The following RALGPS2 variants were observed in gnomAD, a reference collection of about 807,000 sequenced individuals.
RALGPS2 encodes Ral GEF with PH domain and SH3 binding motif 2, also known as ras-specific guanine nucleotide-releasing factor RalGPS2.
RALGPS2 carries 43 observed loss-of-function variants against 86.8 expected under a neutral mutation model. That is an observed-to-expected ratio of 0.50 (90% CI 0.39 to 0.64). RALGPS2 has a LOEUF of 0.64. RALGPS2 is among the 30% of genes least tolerant of loss of function. The probability of loss-of-function intolerance (pLI) is 0.00; values close to 1 mark genes in which losing one functional copy is unlikely to be tolerated. For missense variants in RALGPS2, 536 were observed against 694.6 expected (o/e 0.77, Z 2.57); for synonymous variants, 243 against 231.3 (o/e 1.05, Z -0.46).
chr1:178,739,709 C>T (rs576697163), intron 1 of RALGPS2, among the ~76,000 whole-genome samples: 1 of 152,296 alleles, frequency 6.6e-6, no homozygotes, highest in South Asian at 2.1e-4. Context: ...CACTCTGTTT[C>T]CTTTCTTCAA....
At chr1:178,847,526 A>C (rs964189001) in intron 8 of RALGPS2, among the ~76,000 whole-genome samples, 4 of 152,104 alleles carry the variant, frequency 2.6e-5, no homozygotes, top group African/African-American at 9.7e-5. Context: ...ATAGCCTTGT[A>C]AGTGGAATCA....
At chr1:178,838,840 C>A (rs978643231) in intron 8 of RALGPS2, among the ~76,000 whole-genome samples, 14 of 152,168 alleles carry the variant, frequency 9.2e-5, no homozygotes, top group African/African-American at 3.1e-4. Context: ...GAGCTGAAAA[C>A]CATGGCACAA....
intron 1 of RALGPS2, among the ~76,000 whole-genome samples, chr1:178,770,984 G>A (rs1369521111): frequency 1.2e-4 from 18 of 150,936 alleles, no homozygotes; most frequent in Admixed American, 2.0e-4. Flanking sequence ...GATTACAGGC[G>A]CCGGCCACCA....
chr1:178,770,867 T>C (rs1276337865), intron 1 of RALGPS2, among the ~76,000 whole-genome samples: 1 of 146,416 alleles, frequency 6.8e-6, no homozygotes, highest in Non-Finnish European at 1.5e-5. Flanking sequence ...AGACGGAGTT[T>C]TGCTCTTGTT....
At chr1:178,768,503 C>T (rs1253429111) in intron 1 of RALGPS2, among the ~76,000 whole-genome samples, 3 of 152,216 alleles carry the variant, frequency 2.0e-5, no homozygotes, top group Non-Finnish European at 4.4e-5. Context: ...ATATGCAGTT[C>T]TACCTATCAG....
In RALGPS2 at chr1:178,808,051, T is replaced by G. The variant is rs771997052; in HGVS notation, c.220T>G (p.Ser74Ala). Residue 74 changes from serine (S) to alanine (A), a missense_variant, in exon 5 of 20, where the codon TCA becomes GCA. Physicochemically the swap from Ser to Ala is moderately conservative, Grantham distance 99 (BLOSUM62 1). Transcript: ENST00000367635. ...TTTCACCTTAATTTTCCAGGAGCTT[T>G]CAAGTTGTGGATGGAATAAAAAAGA... is the stretch of plus-strand genomic sequence containing the variant. ...VFKAIQPDELSSCGWNKKEKY... is the reference protein window; with the variant it reads ...VFKAIQPDELASCGWNKKEKY... 1.9e-6 allele frequency: 3 copies of G among 1,605,938 alleles called. No individual in the cohort carries two copies. Among genetic ancestry groups the G allele is most frequent in the Non-Finnish European group, 2.6e-6 (3 of 1,173,552 alleles).
In RALGPS2 at chr1:178,885,843, G is replaced by C. The variant is rs567740438; in HGVS notation, c.1041-126G>C. The C allele has an allele frequency of 4.4e-4, 359 of 813,970 alleles. 1 individual carries two copies. The highest frequency in any genetic ancestry group is 6.1e-4 in the Admixed American group (17 of 27,766). The allele number at this position is 813,970 out of a possible 1,614,324, so 50.4% of individuals were successfully genotyped here. Reference sequence around the variant, plus strand: ...CATTTTCCCTAAACTGTTCATTTGAGGCTTTTATGGTAAGATCTGAGTATG... The same window carrying C: ...CATTTTCCCTAAACTGTTCATTTGACGCTTTTATGGTAAGATCTGAGTATG... On this transcript the variant is annotated intron_variant, in intron 12 of 19. Coordinates refer to ENST00000367635, the MANE Select transcript of RALGPS2 (RefSeq NM_152663.5).
At chr1:178,880,146 G>A (rs1572444400) in intron 10 of RALGPS2, among the ~76,000 whole-genome samples, 1 of 151,852 alleles carries the variant, frequency 6.6e-6, no homozygotes, top group Admixed American at 6.6e-5. Flanking sequence ...AAAATTTATC[G>A]AAGTGAAAGA....
At chr1:178,820,463 T>A (rs996945386) in intron 6 of RALGPS2, among the ~76,000 whole-genome samples, 13 of 152,240 alleles carry the variant, frequency 8.5e-5, no homozygotes, top group Non-Finnish European at 1.8e-4. Context: ...GCCTTTGTGC[T>A]TTTTGTAAAT....
intron 4 of RALGPS2, among the ~76,000 whole-genome samples, chr1:178,793,961 T>A (rs968119110): frequency 6.6e-6 from 1 of 152,236 alleles, no homozygotes. Context: ...CAAAGGATTC[T>A]GTAGTTTCAT....
chr1:178,750,410 C>T (rs1651587752), intron 1 of RALGPS2, among the ~76,000 whole-genome samples: 1 of 152,232 alleles, frequency 6.6e-6, no homozygotes, highest in Admixed American at 6.5e-5. Context: ...AGTGTCTCCT[C>T]TTTGGGATAT....
chr1:178,814,819 G>A (rs1396343394), intron 6 of RALGPS2, among the ~76,000 whole-genome samples: 2 of 152,186 alleles, frequency 1.3e-5, no homozygotes, highest in Non-Finnish European at 2.9e-5. Context: ...CACTAGCAAT[G>A]TATGAAGATG....
intron 14 of RALGPS2, among the ~76,000 whole-genome samples, chr1:178,891,922 TTTTTATTATTTGGC>T (rs1447287920): frequency 6.6e-6 from 1 of 151,998 alleles, no homozygotes; most frequent in Admixed American, 6.6e-5. Flanking sequence ...TGAGGTTTTT[TTTTTATTATTTGGC>T]TATAAATAGC....
At chr1:178,860,585 AAAC>A (rs1363360008) in intron 8 of RALGPS2, among the ~76,000 whole-genome samples, 1 of 152,172 alleles carries the variant, frequency 6.6e-6, no homozygotes, top group Non-Finnish European at 1.5e-5. Flanking sequence ...AATAACCATT[AAAC>A]AACTCCCCAT....
intron 8 of RALGPS2, among the ~76,000 whole-genome samples, chr1:178,863,606 GAAATATCC>G (rs1658179866): frequency 6.6e-6 from 1 of 152,210 alleles, no homozygotes; most frequent in African/African-American, 2.4e-5. Flanking sequence ...AGGTAATGGT[GAAATATCC>G]AAATGCAAAC....
chr1:178,813,138 G>A (rs542252805), intron 6 of RALGPS2, among the ~76,000 whole-genome samples: 36 of 151,740 alleles, frequency 2.4e-4, no homozygotes, highest in African/African-American at 8.2e-4. Flanking sequence ...TCACCATGTT[G>A]GGCCAGGCTG....
intron 16 of RALGPS2, among the ~76,000 whole-genome samples, chr1:178,894,826 C>CT (rs926502274): frequency 9.2e-5 from 14 of 151,812 alleles, no homozygotes; most frequent in East Asian, 1.9e-4. Flanking sequence ...AAATCCTGTA[C>CT]TTTTTTTTAC....
chr1:178,885,943 A>T, intron 12 of RALGPS2, 26 bp from the exon 13 acceptor site: 1 of 1,540,604 alleles, frequency 6.5e-7, no homozygotes, highest in Non-Finnish European at 8.8e-7. Flanking sequence ...ATAATAAAAG[A>T]TATGAACTTT....
chr1:178,837,274 GATTC>G (rs1656327602), intron 8 of RALGPS2, among the ~76,000 whole-genome samples: 2 of 152,056 alleles, frequency 1.3e-5, no homozygotes, highest in African/African-American at 2.4e-5. Flanking sequence ...CTAAAATACT[GATTC>G]ATTAAGTGAG....
Sources: allele counts gnomAD v4.1 joint callset (sites outside exome capture counted in the v4.1 genomes callset), GRCh38; gene constraint gnomAD v4.1.1; transcripts MANE v1.5; gene names NCBI Gene and HGNC (gene_info 2026-07-23, HGNC 2026-07-21).